Variants in ZNF892 observed in about 807,000 individuals in gnomAD.
ZNF892 encodes the protein zinc finger protein 570-like.
At chr2:95,240,679 A>G in the ZNF892 span, among the ~76,000 whole-genome samples, 5 of 152,194 alleles carry the variant, frequency 3.3e-5, no homozygotes, top group East Asian at 3.9e-4. Flanking sequence ...CCCCACTTCC[A>G]TGGCATCTCT....
the ZNF892 span, among the ~76,000 whole-genome samples, chr2:95,219,100 GC>G: frequency 6.6e-6 from 1 of 152,134 alleles, no homozygotes; most frequent in Non-Finnish European, 1.5e-5. Context: ...CCAGGTTCAC[GC>G]CATTCTCCTG....
chr2:95,259,283 C>A, the ZNF892 span: 1 of 152,816 alleles, frequency 6.5e-6, no homozygotes, highest in African/African-American at 2.4e-5. Context: ...AATGTTCTGC[C>A]ACTCTTCACT....
the ZNF892 span, among the ~76,000 whole-genome samples, chr2:95,256,246 A>G: frequency 6.6e-6 from 1 of 151,988 alleles, no homozygotes; most frequent in Admixed American, 6.6e-5. Flanking sequence ...TTCCTTCAGG[A>G]GCTCTTTTAG....
the ZNF892 span, among the ~76,000 whole-genome samples, chr2:95,237,706 A>T: frequency 6.6e-6 from 1 of 152,220 alleles, no homozygotes; most frequent in Non-Finnish European, 1.5e-5. Context: ...TGCACCAAAC[A>T]GTTAGCGAAG....
the ZNF892 span, among the ~76,000 whole-genome samples, chr2:95,210,102 T>C: frequency 6.7e-6 from 1 of 150,194 alleles, no homozygotes; most frequent in Non-Finnish European, 1.5e-5. Context: ...TATATGTGTG[T>C]ATATGTGTGT....
chr2:95,258,803 T>C, the ZNF892 span, among the ~76,000 whole-genome samples: 1 of 152,064 alleles, frequency 6.6e-6, no homozygotes, highest in African/African-American at 2.4e-5. Flanking sequence ...CACCAGAAAC[T>C]GTAGGGAGGG....
chr2:95,242,889 T>C, the ZNF892 span, among the ~76,000 whole-genome samples: 4 of 152,264 alleles, frequency 2.6e-5, no homozygotes, highest in African/African-American at 9.6e-5. Context: ...ACGGTCTCCC[T>C]CTGATGCCCA....
chr2:95,224,500 A>G, the ZNF892 span, among the ~76,000 whole-genome samples: 539 of 152,282 alleles, frequency 3.5e-3, 4 homozygotes, highest in African/African-American at 0.012. Context: ...GGCAAAGGGG[A>G]AACAGGCTCA....
chr2:95,260,084 G>A, the ZNF892 span, among the ~76,000 whole-genome samples: 42 of 152,312 alleles, frequency 2.8e-4, no homozygotes, highest in Admixed American at 5.2e-4. Flanking sequence ...CGGCTGCTGC[G>A]TGGCTCCCAA....
the ZNF892 span, among the ~76,000 whole-genome samples, chr2:95,255,073 T>C: frequency 6.6e-6 from 1 of 152,242 alleles, no homozygotes; most frequent in Non-Finnish European, 1.5e-5. Context: ...TGTGTCTCTA[T>C]ATCCTTCAGT....
the ZNF892 span, among the ~76,000 whole-genome samples, chr2:95,261,510 G>A: frequency 6.6e-6 from 1 of 152,032 alleles, no homozygotes; most frequent in African/African-American, 2.4e-5. Context: ...GACCAGGTTG[G>A]TCTCGAACTC....
the ZNF892 span, among the ~76,000 whole-genome samples, chr2:95,214,057 G>C: frequency 6.6e-6 from 1 of 152,152 alleles, no homozygotes; most frequent in African/African-American, 2.4e-5. Flanking sequence ...GTCTCATTCT[G>C]TTATTTTTTG....
chr2:95,231,749 T>C, the ZNF892 span, among the ~76,000 whole-genome samples: 2 of 152,150 alleles, frequency 1.3e-5, no homozygotes, highest in Admixed American at 1.3e-4. Context: ...GGGGCTCAGC[T>C]TTGGTTTTAC....
At chr2:95,231,829 T>A in the ZNF892 span, among the ~76,000 whole-genome samples, 1 of 152,144 alleles carries the variant, frequency 6.6e-6, no homozygotes, top group African/African-American at 2.4e-5. Context: ...GGTGGCAGTG[T>A]CATATCAGCT....
the ZNF892 span, among the ~76,000 whole-genome samples, chr2:95,218,427 C>T: frequency 6.6e-6 from 1 of 152,178 alleles, no homozygotes; most frequent in Non-Finnish European, 1.5e-5. Context: ...CAGAGAAGTT[C>T]TTTGCCACTT....
At chr2:95,230,347 C>T in the ZNF892 span, among the ~76,000 whole-genome samples, 1 of 152,114 alleles carries the variant, frequency 6.6e-6, no homozygotes, top group Non-Finnish European at 1.5e-5. Context: ...CAAACACTAC[C>T]TGTTCCCTCC....
chr2:95,225,896 G>C, the ZNF892 span, among the ~76,000 whole-genome samples: 5 of 152,308 alleles, frequency 3.3e-5, no homozygotes, highest in South Asian at 8.3e-4. Context: ...GCAAAAAGGA[G>C]ACACAGAAAA....
the ZNF892 span, among the ~76,000 whole-genome samples, chr2:95,210,093 A>T: frequency 6.7e-6 from 1 of 150,314 alleles, no homozygotes; most frequent in African/African-American, 2.4e-5. Flanking sequence ...ATATGTATAT[A>T]TATGTGTGTA....
chr2:95,248,955 T>A, the ZNF892 span, among the ~76,000 whole-genome samples: 2 of 151,856 alleles, frequency 1.3e-5, no homozygotes, highest in South Asian at 4.1e-4. Context: ...GATTGATTGA[T>A]TGATTGATTG....
Sources: allele counts gnomAD v4.1 joint callset (sites outside exome capture counted in the v4.1 genomes callset), GRCh38; gene constraint gnomAD v4.1.1; transcripts MANE v1.5; gene names NCBI Gene and HGNC (gene_info 2026-07-23, HGNC 2026-07-21).